The following LDLRAD4 variants were observed in gnomAD, a reference collection of about 807,000 sequenced individuals.
LDLRAD4 encodes low density lipoprotein receptor class A domain containing 4.
LDLRAD4 carries 5 observed loss-of-function variants against 17.0 expected under a neutral mutation model. The ratio of observed to expected loss-of-function variants is 0.29; its 90% CI spans 0.15 to 0.62. The LOEUF (loss-of-function observed/expected upper bound fraction) is 0.62. Among genes scored for constraint, LDLRAD4 ranks in the 20% least tolerant of loss-of-function variants. The pLI is 0.84. For synonymous variants in LDLRAD4, 168 were observed against 171.8 expected (o/e 0.98, Z 0.17); for missense variants, 340 against 424.7 (o/e 0.80, Z 1.75).
chr18:13,421,096 C>T (rs1405492307), intron 2 of LDLRAD4: 1 of 152,268 alleles, frequency 6.6e-6, no homozygotes, highest in Non-Finnish European at 1.5e-5. Flanking sequence ...GCACTGCACA[C>T]CCTCTTCTGC....
At chr18:13,610,284 T>C (rs1241120779) in intron 3 of LDLRAD4, among the ~76,000 whole-genome samples, 16 of 58,648 alleles carry the variant, frequency 2.7e-4, no homozygotes, top group South Asian at 7.2e-4. Flanking sequence ...TTTTTTTTTT[T>C]TTTTTTTTTT....
At chr18:13,325,144 G>A (rs866760273) in intron 1 of LDLRAD4, among the ~76,000 whole-genome samples, 3 of 152,172 alleles carry the variant, frequency 2.0e-5, no homozygotes, top group Admixed American at 1.3e-4. Flanking sequence ...GGGGAGACAC[G>A]TGGCCTTCTA....
intron 3 of LDLRAD4, among the ~76,000 whole-genome samples, chr18:13,439,078 C>G (rs2090855639): frequency 6.6e-6 from 1 of 152,202 alleles, no homozygotes; most frequent in Non-Finnish European, 1.5e-5. Flanking sequence ...GATCTTTCTG[C>G]AGTTGCACAC....
intron 1 of LDLRAD4, among the ~76,000 whole-genome samples, chr18:13,327,811 G>C (rs916269805): frequency 6.6e-6 from 1 of 152,170 alleles, no homozygotes; most frequent in Non-Finnish European, 1.5e-5. Context: ...GGGCCTTGCT[G>C]GTGCTGTCAC....
At chr18:13,368,197 G>A (rs773374644) in intron 1 of LDLRAD4, among the ~76,000 whole-genome samples, 2 of 152,140 alleles carry the variant, frequency 1.3e-5, no homozygotes, top group Non-Finnish European at 2.9e-5. Flanking sequence ...TGGTGGCATT[G>A]GCGCACGGTT....
intron 3 of LDLRAD4, among the ~76,000 whole-genome samples, chr18:13,591,434 G>C (rs7240050): frequency 1.5e-3 from 36 of 23,506 alleles, no homozygotes; most frequent in Middle Eastern, 0.053. Flanking sequence ...GTGTGTGTCT[G>C]TGTGTGTGTG....
chr18:13,550,395 A>G (rs1186763998), intron 3 of LDLRAD4, among the ~76,000 whole-genome samples: 1 of 152,246 alleles, frequency 6.6e-6, no homozygotes, highest in Non-Finnish European at 1.5e-5. Flanking sequence ...GCAAATTATG[A>G]TGGATGAAAA....
chr18:13,650,207 GAGTTCA>G (rs1412045615), exon 6 of LDLRAD4: 3 of 401,912 alleles, frequency 7.5e-6, no homozygotes, highest in Non-Finnish European at 1.3e-5. Flanking sequence ...GTCCTTTGCA[GAGTTCA>G]AGTTTATGTT....
chr18:13,636,256 T>C (rs1326354598), intron 4 of LDLRAD4, among the ~76,000 whole-genome samples: 1 of 152,088 alleles, frequency 6.6e-6, no homozygotes, highest in Non-Finnish European at 1.5e-5. Context: ...CAGTCTGTCC[T>C]GCTGAACCCA....
At chr18:13,265,120 G>A (rs1335533044) in intron 1 of LDLRAD4, among the ~76,000 whole-genome samples, 4 of 152,004 alleles carry the variant, frequency 2.6e-5, no homozygotes, top group African/African-American at 7.3e-5. Flanking sequence ...CTTTCCTCCC[G>A]CTGTGGTCAC....
chr18:13,387,655 G>T, exon 2 of LDLRAD4: 1 of 1,448,962 alleles, frequency 6.9e-7, no homozygotes, highest in Non-Finnish European at 9.7e-7. Context: ...AGTGACCTGA[G>T]CCTCGCCCGG....
chr18:13,229,876 A>G (rs1273605503), intron 1 of LDLRAD4, among the ~76,000 whole-genome samples: 1 of 152,194 alleles, frequency 6.6e-6, no homozygotes, highest in African/African-American at 2.4e-5. Context: ...GAGACAGAGG[A>G]AGATGTGAGT....
intron 1 of LDLRAD4, among the ~76,000 whole-genome samples, chr18:13,246,915 C>T (rs1377337591): frequency 6.6e-6 from 1 of 151,182 alleles, no homozygotes; most frequent in Middle Eastern, 3.5e-3. Context: ...TCCTGAAAAT[C>T]TGCAATGTTT....
intron 1 of LDLRAD4, among the ~76,000 whole-genome samples, chr18:13,329,660 C>G (rs1289773079): frequency 1.3e-5 from 2 of 152,056 alleles, no homozygotes; most frequent in Admixed American, 6.6e-5. Context: ...GACAAAATAC[C>G]CAAATCGTTT....
chr18:13,375,581 G>C (rs570242848), intron 1 of LDLRAD4, among the ~76,000 whole-genome samples: 3 of 152,256 alleles, frequency 2.0e-5, no homozygotes, highest in Non-Finnish European at 2.9e-5. Flanking sequence ...TGGTGGTAAG[G>C]ACAAAGTAAA....
At chr18:13,325,791 C>T (rs1052758340) in intron 1 of LDLRAD4, among the ~76,000 whole-genome samples, 43 of 150,924 alleles carry the variant, frequency 2.8e-4, no homozygotes, top group African/African-American at 9.8e-4. Context: ...CTTGCTCTGT[C>T]GCCCAGGCTG....
At position 13,442,354 on chromosome 18, in the gene LDLRAD4, A is replaced by T. The variant is rs114047822; in HGVS notation, c.181+3970A>T. 4.4e-3 allele frequency among the ~76,000 whole-genome samples: 669 copies of T among 152,272 alleles called. 9 individuals carry two copies. The highest frequency in any genetic ancestry group is 0.015 in the African/African-American group (621 of 41,554). ...CGTAGTTCAGGGGATAGAGAGATTC[A>T]TCCTGGTTGGATTAGTGGTCACAGT... is the stretch of plus-strand genomic sequence containing the variant. On this transcript the variant is annotated intron_variant, in intron 3 of 5. Transcript: ENST00000359446.
intron 3 of LDLRAD4, among the ~76,000 whole-genome samples, chr18:13,539,244 C>CA (rs1222133464): frequency 6.6e-6 from 1 of 152,124 alleles, no homozygotes; most frequent in Non-Finnish European, 1.5e-5. Context: ...GGGTGGGGAG[C>CA]ATGTGACTGT....
intron 2 of LDLRAD4, among the ~76,000 whole-genome samples, chr18:13,411,669 A>C (rs1019534261): frequency 6.6e-6 from 1 of 152,156 alleles, no homozygotes; most frequent in Admixed American, 6.6e-5. Flanking sequence ...ATTTGCCTTC[A>C]GCCATGATTG....
Sources: gnomAD v4.1 joint callset for allele counts (sites outside exome capture counted in the v4.1 genomes callset) on GRCh38, gnomAD v4.1.1 for gene constraint, MANE v1.5 for transcripts, NCBI Gene and HGNC (gene_info 2026-07-23, HGNC 2026-07-21) for gene names.